The following SLIT1 variants were observed in gnomAD, a reference collection of about 807,000 sequenced individuals.
The protein encoded by SLIT1 is slit guidance ligand 1.
Under a neutral mutation model 186.1 loss-of-function variants are expected in SLIT1, and 66 were observed. That is an observed-to-expected ratio of 0.35 (90% CI 0.29 to 0.44). SLIT1 has a LOEUF of 0.44. Ranked by LOEUF, SLIT1 falls within the 20% of genes least tolerant of loss-of-function variation. SLIT1 has a pLI of 1.00. For missense variants in SLIT1, 1,638 were observed against 2,037.4 expected (o/e 0.80, Z 3.77); for synonymous variants, 761 against 833.8 (o/e 0.91, Z 1.50).
At chr10:97,137,043 C>A (rs1419850798) in intron 4 of SLIT1, among the ~76,000 whole-genome samples, 1 of 152,130 alleles carries the variant, frequency 6.6e-6, no homozygotes, top group African/African-American at 2.4e-5. Context: ...ACCAAGCAGG[C>A]CTGCAGTGAG....
At chr10:97,063,709 C>T (rs1589379719) in intron 7 of SLIT1, 91 bp from the exon 8 acceptor site, 8 of 1,382,134 alleles carry the variant, frequency 5.8e-6, no homozygotes, top group Middle Eastern at 2.1e-4. Context: ...AGGCTGCCCC[C>T]GGTGCTGTGT....
chr10:97,039,630 G>T (rs2134618673), intron 21 of SLIT1, among the ~76,000 whole-genome samples: 1 of 152,366 alleles, frequency 6.6e-6, no homozygotes, highest in Middle Eastern at 3.4e-3. Flanking sequence ...TTCATGTGAA[G>T]AACACTACAC....
chr10:97,064,357 G>A (rs575833738), intron 6 of SLIT1, 118 bp from the exon 7 acceptor site: 54 of 805,466 alleles, frequency 6.7e-5, no homozygotes, highest in Non-Finnish European at 9.8e-5. Context: ...CACGGGGCTG[G>A]ACATGGAGGA....
chr10:97,157,210 T>C (rs1271190106), intron 4 of SLIT1: 1 of 152,134 alleles, frequency 6.6e-6, no homozygotes, highest in Non-Finnish European at 1.5e-5. Context: ...ATCTCAAAGG[T>C]CTTGTCCAAC....
At position 97,034,455 on chromosome 10, in the gene SLIT1, C is replaced by T. The variant is rs1309001021; in HGVS notation, c.2438+16G>A. The T allele has an allele frequency of 2.5e-6, 4 of 1,608,392 alleles. No individual in the cohort carries two copies. The highest frequency in any genetic ancestry group is 3.4e-6 in the Non-Finnish European group (4 of 1,174,992). On this transcript the variant is annotated intron_variant, in intron 23 of 36. Transcript: ENST00000266058. ...ATGGCCCCGGGGCCCCCCACCCCAGCCCTGCTGGGACTCACAGAGTGGTCA... is the reference window on the plus strand; with the variant it reads ...ATGGCCCCGGGGCCCCCCACCCCAGTCCTGCTGGGACTCACAGAGTGGTCA...
In SLIT1 at chr10:97,047,682, A is replaced by T; in HGVS notation, c.1634+8T>A. Reference sequence around the variant, plus strand: ...CAGGGGAGGGCTGGGGGGGCCAGGGACCCTCACAGTTCTGCCGTGGACTGG... The same window carrying T: ...CAGGGGAGGGCTGGGGGGGCCAGGGTCCCTCACAGTTCTGCCGTGGACTGG... On this transcript the variant is annotated splice_region_variant and intron_variant, in intron 16 of 36. Coordinates refer to ENST00000266058, the MANE Select transcript of SLIT1 (RefSeq NM_003061.3). 1 of 1,612,670 alleles carries T rather than the reference A, an allele frequency of 6.2e-7. No homozygotes were observed. Among genetic ancestry groups the T allele is most frequent in the Non-Finnish European group, 8.5e-7 (1 of 1,179,520 alleles).
At chr10:97,095,214 T>C (rs1015848655) in intron 4 of SLIT1, among the ~76,000 whole-genome samples, 4 of 152,070 alleles carry the variant, frequency 2.6e-5, no homozygotes, top group Non-Finnish European at 5.9e-5. Context: ...ACCCGGAAGG[T>C]GGAGGTTGCA....
intron 2 of SLIT1, among the ~76,000 whole-genome samples, chr10:97,163,949 C>T (rs899828559): frequency 1.4e-4 from 21 of 152,226 alleles, no homozygotes; most frequent in African/African-American, 4.8e-4. Context: ...GCAGAGCCCA[C>T]ACAGGCAGCA....
chr10:97,037,432 A>C (rs1288526261), intron 22 of SLIT1, among the ~76,000 whole-genome samples: 1 of 152,138 alleles, frequency 6.6e-6, no homozygotes, highest in African/African-American at 2.4e-5. Flanking sequence ...AGTCACGACC[A>C]GCCTCACGGG....
intron 4 of SLIT1, chr10:97,155,343 A>C (rs1363716539): frequency 6.6e-6 from 1 of 152,350 alleles, no homozygotes; most frequent in Non-Finnish European, 1.5e-5. Context: ...GGAGGCAGCC[A>C]AGTTGTCATT....
rs754883305 is a variant in SLIT1, at chr10:97,047,003, T to C, written c.1697A>G (p.His566Arg). 5 of 1,610,708 alleles carry C rather than the reference T, an allele frequency of 3.1e-6. No individual in the cohort carries two copies. The Middle Eastern group carries it at 6.6e-4, about 213-fold the overall frequency. Residue 566 changes from histidine to arginine, a missense_variant, in exon 17 of 37, where the codon CAT becomes CGT. His to Arg is a conservative substitution (Grantham distance 29). This residue lies in a region of SLIT1 where 1,245 missense variants were observed against 1,535.3 expected (regional missense o/e 0.81). Coordinates refer to ENST00000266058, the MANE Select transcript of SLIT1 (RefSeq NM_003061.3). ...ATGGGTAACTCACATTTTCTTCAGA[T>C]GTGTAAGTTTTTTAAACATCCCAGT... Reference protein sequence around the residue: ...EATGMFKKLTHLKKINLSNNK... With the variant: ...EATGMFKKLTRLKKINLSNNK...
At chr10:97,182,585 C>A (rs1850353256) in intron 1 of SLIT1, among the ~76,000 whole-genome samples, 1 of 152,262 alleles carries the variant, frequency 6.6e-6, no homozygotes, top group Non-Finnish European at 1.5e-5. Context: ...GCTTTGCCCA[C>A]ATGGCAAAGA....
chr10:97,058,715 C>T (rs1171958220), intron 11 of SLIT1, among the ~76,000 whole-genome samples: 2 of 152,212 alleles, frequency 1.3e-5, no homozygotes, highest in African/African-American at 4.8e-5. Context: ...CTATGCCAAG[C>T]ATGAGTCCTG....
At chr10:97,087,538 G>A (rs972246960) in intron 4 of SLIT1, among the ~76,000 whole-genome samples, 7 of 152,222 alleles carry the variant, frequency 4.6e-5, no homozygotes, top group African/African-American at 1.4e-4. Flanking sequence ...AGGAAGGCAC[G>A]CTAATATGAG....
intron 3 of SLIT1, 115 bp from the exon 4 acceptor site, chr10:97,158,004 G>T: frequency 1.3e-6 from 1 of 772,118 alleles, no homozygotes; most frequent in South Asian, 1.5e-5. Flanking sequence ...AATCCTAACA[G>T]GGTCCATGTG....
At position 97,014,003 on chromosome 10, in the gene SLIT1, G is replaced by T; in HGVS notation, c.3109+16C>A. The T allele has an allele frequency of 6.2e-7, 1 of 1,612,034 alleles. No homozygotes were observed. ...TTCCCCACCTCCCCCAGACACTGCT[G>T]CCCTGACGCACTTACCCTCATACTG... On this transcript the variant is annotated intron_variant, in intron 29 of 36. Transcript: ENST00000266058.
chr10:97,037,242 G>A (rs902182504), intron 22 of SLIT1, among the ~76,000 whole-genome samples: 2 of 152,042 alleles, frequency 1.3e-5, no homozygotes, highest in African/African-American at 2.4e-5. Flanking sequence ...TTACAGGCAT[G>A]TGCCACCATG....
intron 1 of SLIT1, among the ~76,000 whole-genome samples, chr10:97,168,118 G>A (rs1850143594): frequency 6.6e-6 from 1 of 152,136 alleles, no homozygotes; most frequent in Non-Finnish European, 1.5e-5. Context: ...CTAAGTGGTA[G>A]GACTCAAGGT....
At chr10:97,082,611 T>A (rs1849116619) in intron 4 of SLIT1, among the ~76,000 whole-genome samples, 1 of 152,062 alleles carries the variant, frequency 6.6e-6, no homozygotes, top group Non-Finnish European at 1.5e-5. Flanking sequence ...ATTCTTTGTA[T>A]TTTTAGTAGG....
Sources: gnomAD v4.1 joint callset for allele counts (sites outside exome capture counted in the v4.1 genomes callset) on GRCh38, gnomAD v4.1.1 for gene constraint, gnomAD v4.1.1 regional missense constraint, MANE v1.5 for transcripts, NCBI Gene and HGNC (gene_info 2026-07-23, HGNC 2026-07-21) for gene names.